Variants in SORCS1 observed in about 807,000 individuals in gnomAD.
SORCS1 encodes the protein sortilin related VPS10 domain containing receptor 1.
Under a neutral mutation model 146.1 loss-of-function variants are expected in SORCS1, and 60 were observed. That is an observed-to-expected ratio of 0.41 (90% CI 0.33 to 0.51). The LOEUF (loss-of-function observed/expected upper bound fraction) is 0.51. Ranked by LOEUF, SORCS1 falls within the 20% of genes least tolerant of loss-of-function variation. The pLI, the probability that SORCS1 is intolerant of heterozygous loss-of-function variation, is 0.21. For missense variants in SORCS1, 1,352 were observed against 1,487.6 expected, an observed-to-expected ratio of 0.91 and a Z score of 1.50; for synonymous variants, 637 against 584.0, an observed-to-expected ratio of 1.09 and a Z score of -1.31.
chr10:106,800,461 C>T (rs971401917), intron 3 of SORCS1, among the ~76,000 whole-genome samples: 71 of 150,096 alleles, frequency 4.7e-4, no homozygotes, highest in African/African-American at 1.7e-3. Flanking sequence ...CACCAACATA[C>T]CATCAACAGC....
At chr10:106,887,845 T>A (rs888721180) in intron 2 of SORCS1, among the ~76,000 whole-genome samples, 1 of 152,236 alleles carries the variant, frequency 6.6e-6, no homozygotes, top group East Asian at 1.9e-4. Flanking sequence ...GGGCAACTTA[T>A]TGATATACAC....
chr10:106,989,348 T>A (rs1443199174), intron 1 of SORCS1, among the ~76,000 whole-genome samples: 1 of 151,236 alleles, frequency 6.6e-6, no homozygotes, highest in Non-Finnish European at 1.5e-5. Context: ...TCTATCTCCC[T>A]TGGTAGTACC....
chr10:106,907,034 T>C (rs999444618), intron 2 of SORCS1, among the ~76,000 whole-genome samples: 4 of 152,212 alleles, frequency 2.6e-5, no homozygotes, highest in African/African-American at 9.6e-5. Context: ...AAAAGAATGA[T>C]AATACTCATT....
chr10:106,686,873 T>A (rs546281503), intron 10 of SORCS1, among the ~76,000 whole-genome samples: 18 of 152,238 alleles, frequency 1.2e-4, no homozygotes, highest in African/African-American at 4.1e-4. Context: ...CTTTATGGGA[T>A]GGAAGGAAGC....
chr10:106,845,975 A>C (rs182252775), intron 2 of SORCS1, among the ~76,000 whole-genome samples: 1 of 129,558 alleles, frequency 7.7e-6, no homozygotes, highest in African/African-American at 2.5e-5. Context: ...ATGCTGTTTT[A>C]GTTACTGTAG....
chr10:106,607,271 G>A lies in SORCS1; in HGVS notation c.3060C>T (p.Ile1020=), dbSNP rs1846668136. ...GTAAGCCAGGGAGCACCGCCACCAG[G>A]ATGTGCTGGCCTGGAACCCCTGTGG... ...VEATGVPGQH[I]LVAVLPGLPT... Residue 1020 remains isoleucine, a synonymous_variant, in exon 23 of 26, where the codon ATC becomes ATT. Transcript: ENST00000263054. 1.2e-6 allele frequency: 2 copies of A among 1,613,986 alleles called. No individual in the cohort carries two copies. Among genetic ancestry groups the A allele is most frequent in the African/African-American group, 2.7e-5 (2 of 74,952 alleles).
chr10:106,605,010 A>G (rs375373222), intron 23 of SORCS1, among the ~76,000 whole-genome samples: 1 of 152,236 alleles, frequency 6.6e-6, no homozygotes, highest in East Asian at 1.9e-4. Flanking sequence ...ATCAGAGGTG[A>G]AACTAGAAAC....
At chr10:106,814,721 T>C (rs1486092544) in intron 3 of SORCS1, among the ~76,000 whole-genome samples, 1 of 151,940 alleles carries the variant, frequency 6.6e-6, no homozygotes, top group Non-Finnish European at 1.5e-5. Flanking sequence ...GAGACCATCC[T>C]GGCTAACGTG....
intron 4 of SORCS1, among the ~76,000 whole-genome samples, chr10:106,764,291 C>T (rs948892132): frequency 4.6e-5 from 7 of 152,098 alleles, no homozygotes; most frequent in African/African-American, 1.2e-4. Flanking sequence ...GGTGTTATAC[C>T]GACCAAAAAG....
At chr10:106,811,821 T>C (rs1170029005) in intron 3 of SORCS1, among the ~76,000 whole-genome samples, 2 of 152,184 alleles carry the variant, frequency 1.3e-5, no homozygotes, top group African/African-American at 4.8e-5. Flanking sequence ...TTATACTCTT[T>C]AGTTACTATG....
chr10:106,943,806 T>A (rs1419239231), intron 2 of SORCS1, among the ~76,000 whole-genome samples: 2 of 151,998 alleles, frequency 1.3e-5, no homozygotes, highest in Non-Finnish European at 2.9e-5. Context: ...TGAGACTCCA[T>A]CTCAAAAAAT....
At chr10:107,172,862 A>C in the SORCS1 span, among the ~76,000 whole-genome samples, 3 of 152,186 alleles carry the variant, frequency 2.0e-5, no homozygotes, top group Admixed American at 6.5e-5. Flanking sequence ...TTTCTAACCT[A>C]TTGCTATTAG....
intron 6 of SORCS1, among the ~76,000 whole-genome samples, chr10:106,721,756 T>C (rs531035572): frequency 6.6e-6 from 1 of 152,224 alleles, no homozygotes; most frequent in Non-Finnish European, 1.5e-5. Context: ...CTTTCCGTAG[T>C]GTTTGCTGCT....
At chr10:107,104,711 C>A (rs559554020) in intron 1 of SORCS1, among the ~76,000 whole-genome samples, 1 of 152,202 alleles carries the variant, frequency 6.6e-6, no homozygotes, top group Non-Finnish European at 1.5e-5. Flanking sequence ...AAAGAGCTCC[C>A]TTTTTTGCTC....
chr10:106,601,636 G>A (rs1846245690), intron 23 of SORCS1, among the ~76,000 whole-genome samples: 1 of 152,132 alleles, frequency 6.6e-6, no homozygotes, highest in Admixed American at 6.5e-5. Flanking sequence ...TATGGCTGTG[G>A]GCAGGGCCTT....
chr10:106,745,012 A>G (rs2136133339), intron 5 of SORCS1, among the ~76,000 whole-genome samples: 1 of 152,306 alleles, frequency 6.6e-6, no homozygotes, highest in Admixed American at 6.5e-5. Flanking sequence ...ACCAACAAAA[A>G]GTTTATTAGC....
intron 18 of SORCS1, among the ~76,000 whole-genome samples, chr10:106,642,234 C>G (rs1016593190): frequency 2.6e-5 from 4 of 152,112 alleles, no homozygotes; most frequent in Non-Finnish European, 4.4e-5. Flanking sequence ...CATGAGTTAA[C>G]ATGGATAGAG....
chr10:106,928,946 A>C (rs575914989), intron 2 of SORCS1, among the ~76,000 whole-genome samples: 1 of 151,142 alleles, frequency 6.6e-6, no homozygotes, highest in African/African-American at 2.4e-5. Context: ...TATAAAATTA[A>C]AATTATATAT....
At chr10:106,745,089 A>G (rs1857624928) in intron 5 of SORCS1, among the ~76,000 whole-genome samples, 1 of 152,192 alleles carries the variant, frequency 6.6e-6, no homozygotes, top group African/African-American at 2.4e-5. Flanking sequence ...GAGCCAGGGC[A>G]GAGGGACACC....
Sources: allele counts gnomAD v4.1 joint callset (sites outside exome capture counted in the v4.1 genomes callset), GRCh38; gene constraint gnomAD v4.1.1; transcripts MANE v1.5; gene names NCBI Gene and HGNC (gene_info 2026-07-23, HGNC 2026-07-21).